Variants in CAGE1 observed in about 807,000 individuals in gnomAD.
The protein encoded by CAGE1 is cancer antigen 1, also known as cancer-associated gene 1 protein.
In CAGE1, 66 loss-of-function variants were observed where a neutral mutation model predicts 94.9. That is an observed-to-expected ratio of 0.70 (90% CI 0.57 to 0.85). The LOEUF (loss-of-function observed/expected upper bound fraction) is 0.85. Among genes scored for constraint, CAGE1 ranks in the 40% least tolerant of loss-of-function variants. The pLI is 0.00. For missense variants in CAGE1, 865 were observed against 950.4 expected, an observed-to-expected ratio of 0.91 and a Z score of 1.18; for synonymous variants, 319 against 321.0, an observed-to-expected ratio of 0.99 and a Z score of 0.07.
chr6:7,380,739 A>G (rs1760905813), intron 3 of CAGE1, among the ~76,000 whole-genome samples: 1 of 152,104 alleles, frequency 6.6e-6, no homozygotes, highest in South Asian at 2.1e-4. Flanking sequence ...ATTACACTTT[A>G]TTCCTTTTTT....
intron 9 of CAGE1, among the ~76,000 whole-genome samples, chr6:7,359,366 G>A (rs1561858697): frequency 6.6e-6 from 1 of 152,174 alleles, no homozygotes; most frequent in Non-Finnish European, 1.5e-5. Context: ...TCTTAAAGAT[G>A]TTAAGTATCT....
intron 11 of CAGE1, among the ~76,000 whole-genome samples, chr6:7,345,597 A>T (rs1759459756): frequency 6.6e-6 from 1 of 152,230 alleles, no homozygotes; most frequent in Non-Finnish European, 1.5e-5. Context: ...TAGCTTTCAT[A>T]GTAAACAGCT....
At chr6:7,329,913 T>G (rs372774249) in intron 12 of CAGE1, 25 bp from the exon 13 acceptor site, 1 of 1,188,206 alleles carries the variant, frequency 8.4e-7, no homozygotes, top group Non-Finnish European at 1.2e-6. Context: ...AAGAAAATAA[T>G]GTAAAAAGGA....
At chr6:7,345,624 G>T (rs1019712584) in intron 11 of CAGE1, among the ~76,000 whole-genome samples, 2 of 152,104 alleles carry the variant, frequency 1.3e-5, no homozygotes, top group South Asian at 4.1e-4. Context: ...AACGTCTAAG[G>T]CCTGTGAACG....
chr6:7,349,030 C>G (rs930793258), intron 11 of CAGE1, among the ~76,000 whole-genome samples: 1 of 152,014 alleles, frequency 6.6e-6, no homozygotes, highest in African/African-American at 2.4e-5. Flanking sequence ...TGCAAGAGAC[C>G]GCAACATCCA....
rs1249942024 is a variant in CAGE1 at position 7,373,947 on chromosome 6, T to C, written c.872A>G (p.Gln291Arg). 1 of 1,613,926 alleles carries C rather than the reference T, an allele frequency of 6.2e-7. No homozygotes were observed. Among genetic ancestry groups the C allele is most frequent in the East Asian group, 2.2e-5 (1 of 44,902 alleles). The stretch of plus-strand genomic sequence containing the variant: ...AACAGGTTGTAAGCTTTCAGCACTT[T>C]GCTCCCAGTCAGGCATCTCACAGTT... ...RENCEMPDWEQSAESLQPVQE... is the reference protein window; with the variant it reads ...RENCEMPDWERSAESLQPVQE... The change falls in exon 5 of 14, where the codon CAA becomes CGA. Residue 291 changes from glutamine (Q) to arginine (R), a missense_variant. Physicochemically the swap from Gln to Arg is conservative, Grantham distance 43. Transcript: ENST00000502583.
rs1294133713 is a variant in CAGE1, at chr6:7,374,024, G to A, written c.795C>T (p.Val265=). Residue 265 remains valine (V), a synonymous_variant, in exon 5 of 14, where the codon GTC becomes GTT. Transcript: ENST00000502583. ...AAATGCCTGCCGAAGACCAAGTTGA[G>A]ACAATTTCTGGCCTCTCCACACCCT... ...TAEGVERPEI[V]STWSSAGISW... 2.7e-5 allele frequency: 44 copies of A among 1,613,908 alleles called. No individual in the cohort carries two copies. Among genetic ancestry groups the A allele is most frequent in the Non-Finnish European group, 3.6e-5 (43 of 1,179,910 alleles).
intron 3 of CAGE1, among the ~76,000 whole-genome samples, chr6:7,382,752 C>T (rs62386162): frequency 0.37 from 55,318 of 151,302 alleles, 10,282 homozygotes; most frequent in East Asian, 0.43. Context: ...TCTACAAAAA[C>T]ACAAAAAAAC....
chr6:7,336,332 G>A (rs1272451861), intron 11 of CAGE1, among the ~76,000 whole-genome samples: 1 of 150,376 alleles, frequency 6.6e-6, no homozygotes, highest in African/African-American at 2.5e-5. Flanking sequence ...GTGTAGAGCT[G>A]CACGCAAGAA....
chr6:7,386,598 T>G (rs764747180), intron 2 of CAGE1, among the ~76,000 whole-genome samples: 2 of 152,170 alleles, frequency 1.3e-5, no homozygotes, highest in Non-Finnish European at 2.9e-5. Context: ...GTTTTAACAC[T>G]GTGTGTAAAA....
intron 2 of CAGE1, among the ~76,000 whole-genome samples, chr6:7,386,597 CT>C (rs1412231190): frequency 1.3e-5 from 2 of 152,136 alleles, no homozygotes; most frequent in East Asian, 1.9e-4. Context: ...AGTTTTAACA[CT>C]GTGTGTAAAA....
intron 4 of CAGE1, among the ~76,000 whole-genome samples, chr6:7,376,313 C>T (rs564527796): frequency 5.3e-5 from 8 of 151,852 alleles, no homozygotes; most frequent in Admixed American, 2.6e-4. Flanking sequence ...TGCTTGAACC[C>T]GGGAGGCGGA....
rs775641451 is a variant in CAGE1, at chr6:7,373,224, T to G, written c.1595A>C (p.Lys532Thr). The change falls in exon 5 of 14, where the codon AAA becomes ACA. Residue 532 changes from lysine to threonine, a missense_variant. By Grantham distance (78) the Lys-to-Thr change is moderately conservative. Transcript: ENST00000502583. ...TACTTCGTTGATTTGCTGCTGAAGT[T>G]TTATATTCTTCGTTCTTTCATTTTC... is the stretch of plus-strand genomic sequence containing the variant. The part of the protein sequence containing the change: ...MSENERTKNI[K>T]LQQQINEVKN... The G allele has an allele frequency of 6.2e-7, 1 of 1,610,424 alleles. No homozygotes were observed. Among genetic ancestry groups the G allele is most frequent in the Non-Finnish European group, 8.5e-7 (1 of 1,177,872 alleles).
intron 11 of CAGE1, among the ~76,000 whole-genome samples, chr6:7,343,753 G>A (rs1759288583): frequency 6.6e-6 from 1 of 152,152 alleles, no homozygotes; most frequent in Non-Finnish European, 1.5e-5. Context: ...TGGAATAGAA[G>A]GTCACCTTGA....
intron 13 of CAGE1, among the ~76,000 whole-genome samples, chr6:7,327,208 A>G (rs1758568815): frequency 1.3e-5 from 2 of 152,104 alleles, no homozygotes; most frequent in Non-Finnish European, 2.9e-5. Context: ...ACTCAACACC[A>G]TGCCCGGCTA....
chr6:7,338,540 CAT>C (rs1032609101), intron 11 of CAGE1, among the ~76,000 whole-genome samples: 2 of 152,124 alleles, frequency 1.3e-5, no homozygotes, highest in African/African-American at 4.8e-5. Context: ...TGCTAACTAA[CAT>C]TGATGGATAC....
At chr6:7,335,565 T>C (rs1758926221) in intron 11 of CAGE1, among the ~76,000 whole-genome samples, 1 of 152,230 alleles carries the variant, frequency 6.6e-6, no homozygotes, top group African/African-American at 2.4e-5. Context: ...TCAGATCTTC[T>C]TGTTTTATTT....
chr6:7,371,161 G>A (rs902650030), intron 5 of CAGE1, among the ~76,000 whole-genome samples: 1 of 152,096 alleles, frequency 6.6e-6, no homozygotes, highest in African/African-American at 2.4e-5. Flanking sequence ...TCAACAACTG[G>A]GATCTTGCTA....
At chr6:7,328,918 GTATA>G (rs1289027242) in intron 13 of CAGE1, among the ~76,000 whole-genome samples, 2 of 44,002 alleles carry the variant, frequency 4.5e-5, no homozygotes, top group African/African-American at 1.7e-4. Flanking sequence ...GTGTGTGTGT[GTATA>G]TATATATATA....
Sources: gnomAD v4.1 joint callset for allele counts (sites outside exome capture counted in the v4.1 genomes callset) on GRCh38, gnomAD v4.1.1 for gene constraint, MANE v1.5 for transcripts, NCBI Gene and HGNC (gene_info 2026-07-23, HGNC 2026-07-21) for gene names.